Variants in TNFRSF8 observed in about 807,000 individuals in gnomAD.
TNFRSF8 encodes tumor necrosis factor receptor superfamily member 8.
In TNFRSF8, 26 loss-of-function variants were observed where a neutral mutation model predicts 70.8. The observed-to-expected ratio is 0.37, with a 90% CI of 0.27 to 0.51. The LOEUF is 0.51. Among genes scored for constraint, TNFRSF8 ranks in the 20% least tolerant of loss-of-function variants. The pLI is 0.94. For missense variants in TNFRSF8, 720 were observed against 807.9 expected (o/e 0.89, Z 1.32); for synonymous variants, 356 against 339.2 (o/e 1.05, Z -0.54).
At chr1:12,066,003 T>G (rs904328742) in intron 1 of TNFRSF8, among the ~76,000 whole-genome samples, 1 of 152,184 alleles carries the variant, frequency 6.6e-6, no homozygotes, top group African/African-American at 2.4e-5. Context: ...CAATTTACCC[T>G]CCCGCTAGCA....
intron 2 of TNFRSF8, among the ~76,000 whole-genome samples, chr1:12,087,558 T>C (rs1641177259): frequency 6.6e-6 from 1 of 152,190 alleles, no homozygotes. Flanking sequence ...CCTTCCTCCA[T>C]GAGGCCTTCC....
intron 3 of TNFRSF8, among the ~76,000 whole-genome samples, chr1:12,100,562 T>C (rs1287734804): frequency 6.6e-6 from 1 of 152,120 alleles, no homozygotes; most frequent in Non-Finnish European, 1.5e-5. Context: ...TATTTTATTA[T>C]TTTTAACATT....
At chr1:12,104,607 T>C (rs1641487638) in intron 4 of TNFRSF8, 76 bp downstream of exon 4, 1 of 1,567,136 alleles carries the variant, frequency 6.4e-7, no homozygotes, top group South Asian at 1.1e-5. Context: ...CCCAGTGCAC[T>C]GTTGACTTCC....
At chr1:12,129,530 C>G (rs1012230569) in intron 12 of TNFRSF8, among the ~76,000 whole-genome samples, 1 of 152,210 alleles carries the variant, frequency 6.6e-6, no homozygotes, top group South Asian at 2.1e-4. Flanking sequence ...TCTGGTTTCT[C>G]GAGTCTCCTT....
intron 1 of TNFRSF8, among the ~76,000 whole-genome samples, chr1:12,073,948 G>A (rs1174366263): frequency 6.6e-6 from 1 of 151,728 alleles, no homozygotes; most frequent in Admixed American, 6.6e-5. Flanking sequence ...GTTGCTGCCC[G>A]GGAACGTACT....
At chr1:12,127,375 A>G (rs927513159) in intron 12 of TNFRSF8, among the ~76,000 whole-genome samples, 8 of 152,244 alleles carry the variant, frequency 5.3e-5, no homozygotes, top group African/African-American at 1.9e-4. Context: ...CCAGGGCCAC[A>G]CAGCCTGGCA....
At chr1:12,106,083 C>T (rs914194948) in intron 4 of TNFRSF8, among the ~76,000 whole-genome samples, 3 of 152,040 alleles carry the variant, frequency 2.0e-5, no homozygotes, top group South Asian at 2.1e-4. Flanking sequence ...GGGCTTTTAG[C>T]GGTTCTTGGC....
chr1:12,138,000 C>T (rs376795381), intron 13 of TNFRSF8, among the ~76,000 whole-genome samples: 6 of 152,096 alleles, frequency 3.9e-5, no homozygotes, highest in South Asian at 4.1e-4. Context: ...ACGGACGTGG[C>T]GAGCACCCTG....
In TNFRSF8 at chr1:12,116,263, G is replaced by A. The variant is rs148824341; in HGVS notation, c.946+534G>A. 1.4e-3 allele frequency among the ~76,000 whole-genome samples: 210 copies of A among 152,174 alleles called. 2 individuals carry two copies. The East Asian group carries it at 0.038, about 27-fold the overall frequency. On this transcript the variant is annotated intron_variant, in intron 8 of 14. Coordinates refer to ENST00000263932, the MANE Select transcript of TNFRSF8 (RefSeq NM_001243.5). ...CTCAAAGTGCTGGGATTACAGGCCT[G>A]AGCCACCATGCCCAGCCCCGGGCTG...
At chr1:12,130,635 G>A (rs948404666) in intron 12 of TNFRSF8, among the ~76,000 whole-genome samples, 1 of 152,240 alleles carries the variant, frequency 6.6e-6, no homozygotes, top group Non-Finnish European at 1.5e-5. Flanking sequence ...AGGGATGGAA[G>A]GGACCGAGAG....
chr1:12,081,546 G>A (rs146189850), intron 1 of TNFRSF8, among the ~76,000 whole-genome samples: 2,670 of 152,204 alleles, frequency 0.018, 251 homozygotes, highest in Admixed American at 0.15. Context: ...CTCAAGGCCC[G>A]GGGCTCTGGA....
chr1:12,142,678 G>A lies in TNFRSF8; in HGVS notation c.*147G>A, dbSNP rs1557610869. ...AGTGGTGGACCGGCCGGTCACTGCA[G>A]GGGTCTGGTGGTCTCTGCTTGCATC... On this transcript the variant is annotated 3_prime_UTR_variant, in exon 15 of 15. Transcript: ENST00000263932. This position sits in a 1 kb window ranked among gnomAD's most constrained non-coding sequence, Gnocchi z 5.0. 1 of 1,099,806 alleles carries A rather than the reference G, an allele frequency of 9.1e-7. No individual in the cohort carries two copies. Among genetic ancestry groups the A allele is most frequent in the African/African-American group, 1.6e-5 (1 of 63,400 alleles). The allele number at this position is 1,099,806 out of a possible 1,614,324, so 68.1% of individuals were successfully genotyped here.
intron 13 of TNFRSF8, among the ~76,000 whole-genome samples, chr1:12,136,396 C>T (rs1376929382): frequency 6.6e-6 from 1 of 152,080 alleles, no homozygotes; most frequent in African/African-American, 2.4e-5. Flanking sequence ...CACTTAAAAT[C>T]CCAGCATTTT....
rs375945555 is a variant in TNFRSF8 at position 12,104,397 on chromosome 1, C to T, written c.287C>T (p.Thr96Met). The T allele has an allele frequency of 1.3e-5, 21 of 1,614,110 alleles. No individual in the cohort carries two copies. Among genetic ancestry groups the T allele is most frequent in the African/African-American group, 9.3e-5 (7 of 75,018 alleles). The stretch of plus-strand genomic sequence containing the variant: ...CCCTTAGACGACCTCGTGGAGAAGA[C>T]GCCGTGTGCATGGAACTCCTCCCGT... ...TCSRDDLVEK[T>M]PCAWNSSRVC... Residue 96 changes from threonine to methionine, a missense_variant, in exon 4 of 15, where the codon ACG becomes ATG. By Grantham distance (81) the Thr-to-Met change is moderately conservative (BLOSUM62 -1). Transcript: ENST00000263932.
chr1:12,106,579 C>G (rs1641527900), intron 4 of TNFRSF8, among the ~76,000 whole-genome samples: 1 of 152,160 alleles, frequency 6.6e-6, no homozygotes, highest in African/African-American at 2.4e-5. Context: ...ATGGCACCTG[C>G]TCCCCATAGA....
At chr1:12,090,697 G>T (rs139384664) in intron 2 of TNFRSF8, among the ~76,000 whole-genome samples, 171 of 152,242 alleles carry the variant, frequency 1.1e-3, no homozygotes, top group African/African-American at 3.7e-3. Context: ...TCAACCATGG[G>T]GGGGCAGCTA....
intron 13 of TNFRSF8, among the ~76,000 whole-genome samples, chr1:12,136,129 A>G (rs1309722872): frequency 6.7e-6 from 1 of 150,198 alleles, no homozygotes; most frequent in Non-Finnish European, 1.5e-5. Flanking sequence ...TCAAGCATTC[A>G]TACATTAAGA....
intron 8 of TNFRSF8, among the ~76,000 whole-genome samples, chr1:12,121,358 A>T (rs952352118): frequency 3.9e-5 from 6 of 152,166 alleles, no homozygotes; most frequent in African/African-American, 1.4e-4. Context: ...CACTTTGTAG[A>T]GGGGAGATGT....
chr1:12,115,755 G>A (rs765909853), intron 8 of TNFRSF8, 26 bp downstream of exon 8: 18 of 1,610,032 alleles, frequency 1.1e-5, no homozygotes, highest in African/African-American at 2.7e-5. Context: ...CCCAGGCCTC[G>A]ACCACAGGGT....
Sources: allele counts gnomAD v4.1 joint callset (sites outside exome capture counted in the v4.1 genomes callset), GRCh38; gene constraint gnomAD v4.1.1; non-coding constraint Gnocchi (gnomAD v3.1); transcripts MANE v1.5; gene names NCBI Gene and HGNC (gene_info 2026-07-23, HGNC 2026-07-21).